The following SULT1E1 variants were observed in gnomAD, a reference collection of about 807,000 sequenced individuals.
The protein encoded by SULT1E1 is sulfotransferase 1E1.
Under a neutral mutation model 33.6 loss-of-function variants are expected in SULT1E1, and 36 were observed. The observed-to-expected ratio is 1.07, with a 90% CI of 0.82 to 1.41. The LOEUF is 1.41. SULT1E1 is among the 40% of genes most tolerant of loss of function. The pLI is 0.00. For synonymous variants in SULT1E1, 121 were observed against 111.7 expected (o/e 1.08, Z -0.53); for missense variants, 371 against 345.7 (o/e 1.07, Z -0.58).
rs1380323772 is a variant in SULT1E1, at chr4:69,841,385, AG to A, written c.*608del. 6.6e-6 allele frequency: 1 copy of A among 152,138 alleles called. No individual in the cohort carries two copies. The highest frequency in any genetic ancestry group is 1.9e-4 in the East Asian group (1 of 5,168). 9.4% of individuals were successfully genotyped at this position (152,138 alleles called of 1,614,324 possible). The stretch of plus-strand genomic sequence containing the variant: ...TTAAGAGATGATAGTAGGAAAAAAA[AG>A]TTTCTTATTTCTCATATGCATGTAC... On this transcript the variant is annotated 3_prime_UTR_variant, in exon 8 of 8. Coordinates refer to ENST00000226444, the MANE Select transcript of SULT1E1 (RefSeq NM_005420.3).
intron 2 of SULT1E1, 79 bp downstream of exon 2, chr4:69,857,421 C>A: frequency 6.7e-7 from 1 of 1,487,586 alleles, no homozygotes; most frequent in Non-Finnish European, 9.0e-7. Flanking sequence ...TGAGTGTGTA[C>A]GACATGAACA....
chr4:69,844,062 C>G, intron 7 of SULT1E1, 99 bp downstream of exon 7: 1 of 1,063,332 alleles, frequency 9.4e-7, no homozygotes, highest in East Asian at 2.4e-5. Flanking sequence ...AAAACTTAAG[C>G]TGGGTTCATA....
intron 6 of SULT1E1, among the ~76,000 whole-genome samples, chr4:69,846,892 T>G (rs1429428339): frequency 6.6e-6 from 1 of 151,762 alleles, no homozygotes; most frequent in Non-Finnish European, 1.5e-5. Flanking sequence ...TAAGAAAATT[T>G]TAAGGCCATA....
Position 69,841,654 on chromosome 4 carries a change from T to C in SULT1E1, c.*340A>G, listed in dbSNP as rs1018565680. On this transcript the variant is annotated 3_prime_UTR_variant, in exon 8 of 8. Coordinates refer to ENST00000226444, the MANE Select transcript of SULT1E1 (RefSeq NM_005420.3). Reference sequence around the variant, plus strand: ...GAATTCAAGACCAGCCTGGACAATATAATAAGACCTCATCTCTACAAAAAA... The same window carrying C: ...GAATTCAAGACCAGCCTGGACAATACAATAAGACCTCATCTCTACAAAAAA... 1 of 171,622 alleles carries C rather than the reference T, an allele frequency of 5.8e-6. No homozygotes were observed. The highest frequency in any genetic ancestry group is 1.2e-5 in the Non-Finnish European group (1 of 82,388). 10.6% of individuals were successfully genotyped at this position (171,622 alleles called of 1,614,324 possible). A position where few individuals can be genotyped will look rare whatever the true frequency, so the allele number is the denominator to read the frequency against.
At chr4:69,843,773 A>G (rs765814707) in intron 7 of SULT1E1, among the ~76,000 whole-genome samples, 5 of 152,164 alleles carry the variant, frequency 3.3e-5, no homozygotes, top group Non-Finnish European at 7.4e-5. Context: ...ACTATTCTAA[A>G]CTTATTTCTT....
the SULT1E1 span, among the ~76,000 whole-genome samples, chr4:69,821,594 CCAT>C: frequency 6.6e-6 from 1 of 152,156 alleles, no homozygotes; most frequent in Non-Finnish European, 1.5e-5. Flanking sequence ...AGATCCATGG[CCAT>C]CATATCTAGA....
downstream of SULT1E1, among the ~76,000 whole-genome samples, chr4:69,839,375 C>T (rs144287041): frequency 1.3e-5 from 2 of 152,164 alleles, no homozygotes; most frequent in East Asian, 3.9e-4. Flanking sequence ...GTCTCTCTGG[C>T]AATAATGAAC....
intron 5 of SULT1E1, 91 bp downstream of exon 5, chr4:69,849,346 C>T (rs765444954): frequency 1.7e-5 from 25 of 1,446,998 alleles, no homozygotes; most frequent in Non-Finnish European, 2.3e-5. Context: ...GGGAAGAAAA[C>T]GTACCAGAAC....
the SULT1E1 span, among the ~76,000 whole-genome samples, chr4:69,828,611 T>C: frequency 6.6e-6 from 1 of 152,172 alleles, no homozygotes. Flanking sequence ...GCTTCATTCT[T>C]GAAGTCAACA....
At chr4:69,833,043 G>A in the SULT1E1 span, among the ~76,000 whole-genome samples, 1 of 152,120 alleles carries the variant, frequency 6.6e-6, no homozygotes, top group Non-Finnish European at 1.5e-5. Flanking sequence ...AACACAGGCA[G>A]CTTGTTTTAT....
chr4:69,840,924 T>A (rs1720872257), downstream of SULT1E1, among the ~76,000 whole-genome samples: 1 of 152,028 alleles, frequency 6.6e-6, no homozygotes, highest in Non-Finnish European at 1.5e-5. Flanking sequence ...CGGCCGCCTG[T>A]AGTCCCAGCT....
At chr4:69,857,410 ATGAG>A in intron 2 of SULT1E1, 86 bp downstream of exon 2, 1 of 1,444,024 alleles carries the variant, frequency 6.9e-7, no homozygotes, top group Non-Finnish European at 9.3e-7. Context: ...AATATAGAGA[ATGAG>A]TGTGTACGAC....
At chr4:69,859,273 C>G (rs1352861264) in intron 1 of SULT1E1, among the ~76,000 whole-genome samples, 2 of 152,024 alleles carry the variant, frequency 1.3e-5, no homozygotes, top group African/African-American at 4.8e-5. Context: ...GCATACTCCC[C>G]TCCTGCATCT....
At chr4:69,852,439 A>G (rs1366038576) in intron 4 of SULT1E1, among the ~76,000 whole-genome samples, 1 of 152,280 alleles carries the variant, frequency 6.6e-6, no homozygotes, top group African/African-American at 2.4e-5. Context: ...CTTTTGAAGA[A>G]TTATCCTGAG....
chr4:69,821,893 T>C, the SULT1E1 span, among the ~76,000 whole-genome samples: 1 of 152,204 alleles, frequency 6.6e-6, no homozygotes, highest in Non-Finnish European at 1.5e-5. Flanking sequence ...AACCATTACA[T>C]TGAGGTTTGA....
At chr4:69,854,651 A>T (rs544634924) in intron 3 of SULT1E1, among the ~76,000 whole-genome samples, 2 of 152,020 alleles carry the variant, frequency 1.3e-5, no homozygotes, top group Non-Finnish European at 2.9e-5. Flanking sequence ...ATTACATAGA[A>T]AAATATAAAA....
chr4:69,842,620 G>T (rs1188512271), intron 7 of SULT1E1, among the ~76,000 whole-genome samples: 2 of 149,844 alleles, frequency 1.3e-5, no homozygotes, highest in Admixed American at 6.6e-5. Context: ...TCAACACCAG[G>T]TATCTACACA....
the SULT1E1 span, among the ~76,000 whole-genome samples, chr4:69,826,416 C>T: frequency 4.6e-5 from 7 of 152,212 alleles, no homozygotes; most frequent in East Asian, 5.8e-4. Flanking sequence ...CAACATTCCT[C>T]GGTCCTCCTT....
At chr4:69,832,220 G>A in the SULT1E1 span, among the ~76,000 whole-genome samples, 1 of 152,126 alleles carries the variant, frequency 6.6e-6, no homozygotes, top group Non-Finnish European at 1.5e-5. Flanking sequence ...GGGGAGGGGC[G>A]CCGGAGAAGC....
Sources: allele counts gnomAD v4.1 joint callset (sites outside exome capture counted in the v4.1 genomes callset), GRCh38; gene constraint gnomAD v4.1.1; transcripts MANE v1.5; gene names NCBI Gene and HGNC (gene_info 2026-07-23, HGNC 2026-07-21).